Variants in SULF2 observed in about 807,000 individuals in gnomAD.
SULF2 encodes the protein extracellular sulfatase Sulf-2.
SULF2 carries 52 observed loss-of-function variants against 107.7 expected under a neutral mutation model. That is an observed-to-expected ratio of 0.48 (90% CI 0.39 to 0.61). The LOEUF (loss-of-function observed/expected upper bound fraction) is 0.61, where lower values mean the gene tolerates loss of function less well. SULF2 is among the 20% of genes least tolerant of loss of function. The probability of loss-of-function intolerance (pLI) is 0.00; values close to 1 mark genes in which losing one functional copy is unlikely to be tolerated. For synonymous variants in SULF2, 460 were observed against 464.3 expected, an observed-to-expected ratio of 0.99 and a Z score of 0.12; for missense variants, 993 against 1,177.3, an observed-to-expected ratio of 0.84 and a Z score of 2.29.
chr20:47,716,664 T>C (rs993092663), intron 3 of SULF2, among the ~76,000 whole-genome samples: 1 of 152,136 alleles, frequency 6.6e-6, no homozygotes, highest in African/African-American at 2.4e-5. Context: ...TGCTGAGATA[T>C]ATTGTTTTGG....
At chr20:47,690,457 T>G (rs1325450512) in intron 4 of SULF2, among the ~76,000 whole-genome samples, 162 bp from the exon 5 acceptor site, 2 of 152,048 alleles carry the variant, frequency 1.3e-5, no homozygotes, top group Non-Finnish European at 2.9e-5. Flanking sequence ...AGACAAGAAA[T>G]AAGCAAGTAA....
chr20:47,668,581 A>C (rs2087353829), intron 11 of SULF2, among the ~76,000 whole-genome samples: 1 of 152,258 alleles, frequency 6.6e-6, no homozygotes, highest in Admixed American at 6.5e-5. Flanking sequence ...ACCCCTGAGC[A>C]CATGTGTGGC....
chr20:47,775,032 G>C (rs1441168536), intron 1 of SULF2, among the ~76,000 whole-genome samples: 1 of 152,148 alleles, frequency 6.6e-6, no homozygotes. Context: ...TCCAGCTTGA[G>C]GTAGTAAGTG....
chr20:47,778,937 C>T (rs773999444), intron 1 of SULF2, among the ~76,000 whole-genome samples: 1 of 152,182 alleles, frequency 6.6e-6, no homozygotes, highest in Non-Finnish European at 1.5e-5. Context: ...CCGATAACTC[C>T]CAAACTTAGG....
intron 5 of SULF2, 139 bp downstream of exon 5, chr20:47,689,987 A>G (rs2088140922): frequency 4.9e-6 from 4 of 824,110 alleles, no homozygotes; most frequent in Non-Finnish European, 6.5e-6. Flanking sequence ...GACAAGCAGT[A>G]TGTTCTTGGG....
In SULF2 at chr20:47,766,962, AG is replaced by A. The variant is rs2090539603; in HGVS notation, c.-100-9500del. Among the ~76,000 whole-genome samples the A allele has an allele frequency of 2.6e-5, 4 of 151,864 alleles. 1 individual carries two copies. In the Middle Eastern group the frequency reaches 0.01, roughly 390 times the overall value. On this transcript the variant is annotated intron_variant, in intron 1 of 20. Transcript: ENST00000688720. Reference sequence around the variant, plus strand: ...TCATGATCAGTAGAAAAAAAAAAAAAGAACAGACAAAACTCTCGATTCTCAG... The same window carrying A: ...TCATGATCAGTAGAAAAAAAAAAAAAAACAGACAAAACTCTCGATTCTCAG...
At chr20:47,748,231 C>G (rs981649776) in intron 2 of SULF2, among the ~76,000 whole-genome samples, 1 of 152,232 alleles carries the variant, frequency 6.6e-6, no homozygotes, top group Admixed American at 6.5e-5. Context: ...CTGCCCTCCT[C>G]CAACGTCCTG....
At chr20:47,756,304 A>T (rs2090282065) in intron 2 of SULF2, among the ~76,000 whole-genome samples, 2 of 152,152 alleles carry the variant, frequency 1.3e-5, no homozygotes, top group Admixed American at 1.3e-4. Context: ...TATGTGTCAA[A>T]TTGTCAATAA....
At chr20:47,731,036 G>A (rs1003275649) in intron 3 of SULF2, among the ~76,000 whole-genome samples, 10 of 152,078 alleles carry the variant, frequency 6.6e-5, no homozygotes, top group Admixed American at 4.6e-4. Flanking sequence ...TTCTGGAAAA[G>A]GATGCTCTCT....
At chr20:47,772,057 C>G (rs58701864) in intron 1 of SULF2, among the ~76,000 whole-genome samples, 28,078 of 152,136 alleles carry the variant, frequency 0.18, 4,250 homozygotes, top group African/African-American at 0.42. Context: ...CATATGCCAG[C>G]GTCTCAGAAT....
chr20:47,734,006 C>T (rs972157060), intron 3 of SULF2, among the ~76,000 whole-genome samples: 2 of 152,192 alleles, frequency 1.3e-5, no homozygotes, highest in Non-Finnish European at 2.9e-5. Flanking sequence ...GCCTAGACTT[C>T]ACTTGTCCTT....
chr20:47,756,140 T>C lies in SULF2; in HGVS notation c.175+1049A>G, dbSNP rs73910757. Among the ~76,000 whole-genome samples, 1,520 of 152,296 alleles carry C rather than the reference T, an allele frequency of 1.0e-2. 28 individuals are homozygous for C. Among genetic ancestry groups the C allele is most frequent in the African/African-American group, 0.035 (1,462 of 41,566 alleles). On this transcript the variant is annotated intron_variant, in intron 2 of 20. Coordinates refer to ENST00000688720, the MANE Select transcript of SULF2 (RefSeq NM_001387048.1). ...GAAACAGCGTCGGGGCTACACAATG[T>C]GAGACCAAGAAGCTCTGAGGTCCAG...
intron 1 of SULF2, among the ~76,000 whole-genome samples, chr20:47,779,568 C>A (rs916162055): frequency 6.6e-6 from 1 of 152,206 alleles, no homozygotes; most frequent in Non-Finnish European, 1.5e-5. Flanking sequence ...CAAATCATAT[C>A]ATTCTCTGAC....
intron 3 of SULF2, among the ~76,000 whole-genome samples, chr20:47,708,080 A>G (rs1006938125): frequency 6.6e-6 from 1 of 152,244 alleles, no homozygotes; most frequent in Non-Finnish European, 1.5e-5. Context: ...TACGGTATGC[A>G]GGGAGCTTCC....
At chr20:47,713,053 G>C (rs759509294) in intron 3 of SULF2, among the ~76,000 whole-genome samples, 2 of 151,902 alleles carry the variant, frequency 1.3e-5, no homozygotes, top group East Asian at 1.9e-4. Flanking sequence ...GGGCAGGGGT[G>C]GGGGGAGAAA....
chr20:47,684,758 G>A (rs2146513873), intron 5 of SULF2, 177 bp from the exon 6 acceptor site: 2 of 567,674 alleles, frequency 3.5e-6, no homozygotes, highest in East Asian at 6.5e-5. Flanking sequence ...TCCAAACCCT[G>A]TTTCAGCGTT....
Position 47,663,090 on chromosome 20 carries a change from G to A in SULF2, c.2350C>T (p.Leu784Phe). 6.2e-7 allele frequency: 1 copy of A among 1,614,166 alleles called. No homozygotes were observed. The highest frequency in any genetic ancestry group is 1.3e-5 in the African/African-American group (1 of 75,046). Residue 784 changes from leucine to phenylalanine, a missense_variant, in exon 17 of 21, where the codon CTC becomes TTC. By Grantham distance (22) the Leu-to-Phe change is conservative. Coordinates refer to ENST00000688720, the MANE Select transcript of SULF2 (RefSeq NM_001387048.1). ...TGTACCTGGTAGGGGTCTGTGTTGA[G>A]ATCAAAGTACTCTAGGAAGCCAGTT... is the stretch of plus-strand genomic sequence containing the variant. ...FATGFLEYFD[L>F]NTDPYQLMNA...
chr20:47,678,603 C>T lies in SULF2; in HGVS notation c.1193+73G>A. 6.3e-7 allele frequency: 1 copy of T among 1,587,384 alleles called. No individual in the cohort carries two copies. Among genetic ancestry groups the T allele is most frequent in the East Asian group, 2.3e-5 (1 of 44,416 alleles). Reference sequence around the variant, plus strand: ...CCTTGGAGACCCCACGTTCTAGACCCACAGGGTTTTGCTCTGAGTTCCCGC... The same window carrying T: ...CCTTGGAGACCCCACGTTCTAGACCTACAGGGTTTTGCTCTGAGTTCCCGC... On this transcript the variant is annotated intron_variant, in intron 8 of 20. Coordinates refer to ENST00000688720, the MANE Select transcript of SULF2 (RefSeq NM_001387048.1). This position sits in a 1 kb window ranked among gnomAD's most constrained non-coding sequence, Gnocchi z 4.5.
intron 5 of SULF2, among the ~76,000 whole-genome samples, chr20:47,689,252 C>T (rs1299423546): frequency 2.6e-5 from 4 of 152,318 alleles, no homozygotes; most frequent in African/African-American, 4.8e-5. Context: ...CACACCCCTG[C>T]GTAGACCCTC....
Sources: allele counts gnomAD v4.1 joint callset (sites outside exome capture counted in the v4.1 genomes callset), GRCh38; gene constraint gnomAD v4.1.1; non-coding constraint Gnocchi (gnomAD v3.1); transcripts MANE v1.5; gene names NCBI Gene and HGNC (gene_info 2026-07-23, HGNC 2026-07-21).